SLIT1: variants seen among roughly 807,000 people sequenced by gnomAD.
SLIT1 encodes slit homolog 1 protein.
Under a neutral mutation model 186.1 loss-of-function variants are expected in SLIT1, and 66 were observed. That is an observed-to-expected ratio of 0.35 (90% CI 0.29 to 0.44). The LOEUF is 0.44. Ranked by LOEUF, SLIT1 falls within the 20% of genes least tolerant of loss-of-function variation. The pLI, the probability that SLIT1 is intolerant of heterozygous loss-of-function variation, is 1.00. For synonymous variants in SLIT1, 761 were observed against 833.8 expected, an observed-to-expected ratio of 0.91 and a Z score of 1.50; for missense variants, 1,638 against 2,037.4, an observed-to-expected ratio of 0.80 and a Z score of 3.77.
At chr10:97,052,248 C>A (rs1225656219) in intron 13 of SLIT1, among the ~76,000 whole-genome samples, 3 of 151,936 alleles carry the variant, frequency 2.0e-5, no homozygotes, top group Non-Finnish European at 2.9e-5. Flanking sequence ...AGGCATGCAC[C>A]ACCACACCTG....
intron 4 of SLIT1, among the ~76,000 whole-genome samples, chr10:97,109,696 G>C (rs1439353881): frequency 1.3e-5 from 2 of 152,224 alleles, no homozygotes; most frequent in Non-Finnish European, 2.9e-5. Context: ...GGTGCACAGA[G>C]GAGGGGTGAG....
rs56959083 is a variant in SLIT1 at position 97,128,926 on chromosome 10, CA to C, written c.413+28891del. The stretch of plus-strand genomic sequence containing the variant: ...AAATATCTGCCCTGGAAAACTAAGA[CA>C]AAAAAAAATCTTAGGAAAGAAAAGT... On this transcript the variant is annotated intron_variant, in intron 4 of 36. Coordinates refer to ENST00000266058, the MANE Select transcript of SLIT1 (RefSeq NM_003061.3). Among the ~76,000 whole-genome samples, 263 of 151,030 alleles carry C rather than the reference CA, an allele frequency of 1.7e-3. 2 individuals carry two copies. Among genetic ancestry groups the C allele is most frequent in the African/African-American group, 6.1e-3 (252 of 41,118 alleles).
At chr10:97,101,110 G>C (rs907753429) in intron 4 of SLIT1, among the ~76,000 whole-genome samples, 9 of 152,212 alleles carry the variant, frequency 5.9e-5, no homozygotes, top group Non-Finnish European at 8.8e-5. Context: ...TAGGGAGGGA[G>C]AGTAAATCCC....
Position 97,064,862 on chromosome 10 carries a change from T to G in SLIT1, c.500A>C (p.Asn167Thr). ...TDLKNLQLDK[N>T]QISCIEEGAF... is the part of the protein sequence containing the mutation. ...CCCTTCCTCAATGCAGCTGATCTGGTTCTTGTCCAGCTGTCTGTGAAGCAA... is the reference window on the plus strand; with the variant it reads ...CCCTTCCTCAATGCAGCTGATCTGGGTCTTGTCCAGCTGTCTGTGAAGCAA... Residue 167 changes from asparagine to threonine, a missense_variant, in exon 6 of 37, where the codon AAC (asparagine) becomes ACC (threonine). Around this residue, in one of 3 missense-constraint regions of SLIT1, gnomAD observed 1,245 missense variants for 1,535.3 expected, o/e 0.81. Transcript: ENST00000266058. 1 of 1,613,102 alleles carries G rather than the reference T, an allele frequency of 6.2e-7. No homozygotes were observed. Among genetic ancestry groups the G allele is most frequent in the Non-Finnish European group, 8.5e-7 (1 of 1,179,464 alleles).
chr10:97,037,828 G>A (rs376380223), intron 21 of SLIT1, 62 bp from the exon 22 acceptor site: 2 of 1,415,722 alleles, frequency 1.4e-6, no homozygotes, highest in African/African-American at 1.4e-5. Flanking sequence ...CCCATGCTGG[G>A]GACAGCCTTC....
chr10:97,180,552 A>C (rs1365472600), intron 1 of SLIT1, among the ~76,000 whole-genome samples: 2 of 152,210 alleles, frequency 1.3e-5, no homozygotes, highest in Admixed American at 1.3e-4. Flanking sequence ...ATAGATAGCT[A>C]TCTGTTGAAT....
intron 1 of SLIT1, among the ~76,000 whole-genome samples, chr10:97,166,623 G>GAAAGAAAGAAAGAAAGAAAGAAAGAAA (rs3979552): frequency 2.3e-5 from 1 of 42,678 alleles, no homozygotes; most frequent in African/African-American, 9.6e-5. Flanking sequence ...AAGAAAGAAA[G>GAAAGAAAGAAAGAAAGAAAGAAAGAAA]AGAAAAGAAA....
intron 4 of SLIT1, among the ~76,000 whole-genome samples, chr10:97,133,419 A>C (rs1255359005): frequency 1.3e-5 from 2 of 152,176 alleles, no homozygotes; most frequent in African/African-American, 4.8e-5. Context: ...TTTAAGACAA[A>C]CACTGGATGA....
At chr10:97,079,642 C>T (rs576201054) in intron 4 of SLIT1, among the ~76,000 whole-genome samples, 13 of 152,292 alleles carry the variant, frequency 8.5e-5, no homozygotes, top group African/African-American at 1.9e-4. Context: ...GGAAACTGCA[C>T]GGAGGACAGT....
rs934546555 is a variant in SLIT1, at chr10:97,068,517, C to T, written c.414-2431G>A. ...GGGCCTTGGCACCATCAGTGCCCCT[C>T]GTTCTTGCTCTCTATTGCTCTCTCT... On this transcript the variant is annotated intron_variant, in intron 4 of 36. Coordinates refer to ENST00000266058, the MANE Select transcript of SLIT1 (RefSeq NM_003061.3). This position sits in a 1 kb window ranked among gnomAD's most constrained non-coding sequence, Gnocchi z 4.2. 5.9e-5 allele frequency among the ~76,000 whole-genome samples: 9 copies of T among 152,066 alleles called. No homozygotes were observed. Among genetic ancestry groups the T allele is most frequent in the Admixed American group, 3.9e-4 (6 of 15,278 alleles).
At chr10:97,179,597 C>A (rs1850303268) in intron 1 of SLIT1, among the ~76,000 whole-genome samples, 1 of 152,206 alleles carries the variant, frequency 6.6e-6, no homozygotes, top group African/African-American at 2.4e-5. Context: ...GGGCTGGTAG[C>A]CACTGTGCTC....
chr10:97,134,265 C>T (rs960722970), intron 4 of SLIT1, among the ~76,000 whole-genome samples: 3 of 152,272 alleles, frequency 2.0e-5, no homozygotes, highest in South Asian at 2.1e-4. Context: ...GCCACAGTTG[C>T]GTGACAAATG....
chr10:97,027,911 AG>A (rs758125879), intron 25 of SLIT1, among the ~76,000 whole-genome samples: 31 of 152,204 alleles, frequency 2.0e-4, no homozygotes, highest in African/African-American at 6.7e-4. Context: ...AGATACATTA[AG>A]GGGGGGCGGA....
chr10:97,168,019 T>C lies in SLIT1; in HGVS notation c.198-3129A>G, dbSNP rs554056374. The stretch of plus-strand genomic sequence containing the variant: ...CATTAGCAGTGTGAGAACGGACTAA[T>C]AAACTGCTTATGTAGAAACTCACAA... On this transcript the variant is annotated intron_variant, in intron 1 of 36. Coordinates refer to ENST00000266058, the MANE Select transcript of SLIT1 (RefSeq NM_003061.3). Among the ~76,000 whole-genome samples the C allele has an allele frequency of 2.0e-5, 3 of 152,340 alleles. No homozygotes were observed. The East Asian group carries it at 5.8e-4, about 29-fold the overall frequency.
intron 13 of SLIT1, among the ~76,000 whole-genome samples, chr10:97,049,431 A>G (rs1848768015): frequency 6.6e-6 from 1 of 152,104 alleles, no homozygotes; most frequent in African/African-American, 2.4e-5. Flanking sequence ...GCCCTGGGAC[A>G]TTTCACGAGC....
intron 1 of SLIT1, 74 bp from the exon 2 acceptor site, chr10:97,164,964 T>G: frequency 1.8e-6 from 2 of 1,136,398 alleles, no homozygotes; most frequent in Non-Finnish European, 2.7e-6. Flanking sequence ...CTGCTCCAGG[T>G]GCCCTCCCCG....
intron 7 of SLIT1, 72 bp downstream of exon 7, chr10:97,064,096 C>T (rs1338464959): frequency 7.7e-7 from 1 of 1,291,308 alleles, no homozygotes; most frequent in East Asian, 2.5e-5. Flanking sequence ...AAACCTTCAC[C>T]TCCTGCCCCA....
chr10:97,042,491 C>T (rs1426272520), intron 20 of SLIT1, among the ~76,000 whole-genome samples: 1 of 151,960 alleles, frequency 6.6e-6, no homozygotes, highest in Non-Finnish European at 1.5e-5. Flanking sequence ...GGGGAGGGGA[C>T]TCAAAAGGGT....
chr10:97,183,427 A>C (rs1850368604), intron 1 of SLIT1, among the ~76,000 whole-genome samples: 1 of 152,210 alleles, frequency 6.6e-6, no homozygotes, highest in South Asian at 2.1e-4. Context: ...ATTCCCATAC[A>C]TGATCTTCCA....
Sources: gnomAD v4.1 joint callset for allele counts (sites outside exome capture counted in the v4.1 genomes callset) on GRCh38, gnomAD v4.1.1 for gene constraint, gnomAD v4.1.1 regional missense constraint, Gnocchi (gnomAD v3.1) non-coding constraint, MANE v1.5 for transcripts, NCBI Gene and HGNC (gene_info 2026-07-23, HGNC 2026-07-21) for gene names.